Variants in ERC1 observed in about 807,000 individuals in gnomAD.
The protein encoded by ERC1 is RAB6 interacting protein 2.
A neutral mutation model predicts 132.0 loss-of-function variants in ERC1; 56 were observed. The observed-to-expected ratio is 0.42, with a 90% CI of 0.34 to 0.53. The LOEUF is 0.53. Among genes scored for constraint, ERC1 ranks in the 20% least tolerant of loss-of-function variants. The pLI is 0.03. For missense variants in ERC1, 1,202 were observed against 1,349.9 expected, an observed-to-expected ratio of 0.89 and a Z score of 1.72; for synonymous variants, 478 against 476.1, an observed-to-expected ratio of 1.00 and a Z score of -0.05.
intron 1 of ERC1, among the ~76,000 whole-genome samples, chr12:1,016,334 T>C (rs535135928): frequency 6.6e-6 from 1 of 152,358 alleles, no homozygotes; most frequent in East Asian, 1.9e-4. Context: ...TTAAAGAATT[T>C]TTTTGCTTTC....
At chr12:1,446,903 C>T (rs2093317785) in intron 18 of ERC1, among the ~76,000 whole-genome samples, 1 of 151,870 alleles carries the variant, frequency 6.6e-6, no homozygotes, top group Admixed American at 6.6e-5. Flanking sequence ...ACCTGTAGTC[C>T]CAGCTACTCA....
intron 15 of ERC1, among the ~76,000 whole-genome samples, chr12:1,352,175 C>G (rs1056479418): frequency 1.3e-5 from 2 of 152,130 alleles, no homozygotes; most frequent in Non-Finnish European, 2.9e-5. Flanking sequence ...ATCATATCAC[C>G]CTGTTCCTGT....
intron 8 of ERC1, among the ~76,000 whole-genome samples, chr12:1,144,644 A>ACG (rs1950178551): frequency 1.3e-5 from 2 of 149,530 alleles, no homozygotes. Context: ...ACGTGTATAT[A>ACG]TATACGTATA....
chr12:1,235,864 T>C (rs2075378263), intron 12 of ERC1, among the ~76,000 whole-genome samples: 1 of 152,312 alleles, frequency 6.6e-6, no homozygotes, highest in South Asian at 2.1e-4. Context: ...AGAGTGCACC[T>C]AGCAGCATTA....
At position 1,493,550 on chromosome 12, in the gene ERC1, TA is replaced by T. The variant is rs2094337817; in HGVS notation, c.*3321del. The T allele has an allele frequency of 1.5e-5, 1 of 65,642 alleles. No homozygotes were observed. Among genetic ancestry groups the T allele is most frequent in the African/African-American group, 5.6e-5 (1 of 17,748 alleles). The allele number at this position is 65,642 out of a possible 1,614,324, so 4.1% of individuals were successfully genotyped here. On this transcript the variant is annotated 3_prime_UTR_variant, in exon 19 of 19. Coordinates refer to ENST00000360905, the MANE Select transcript of ERC1 (RefSeq NM_178040.4). The stretch of plus-strand genomic sequence containing the variant: ...TCCATTTAAAAAAAAAAAAAAAAAA[TA>T]TATATATATATATATATATATATAT...
chr12:995,056 A>G (rs147641691), intron 1 of ERC1, among the ~76,000 whole-genome samples: 198 of 151,106 alleles, frequency 1.3e-3, no homozygotes, highest in African/African-American at 4.7e-3. Flanking sequence ...AGATCGTGCT[A>G]TTGCACTCCA....
At chr12:1,292,284 A>G (rs1269279029) in intron 15 of ERC1, among the ~76,000 whole-genome samples, 1 of 152,172 alleles carries the variant, frequency 6.6e-6, no homozygotes, top group Non-Finnish European at 1.5e-5. Flanking sequence ...CTTTGGTTTC[A>G]TTGAGAGTTT....
At chr12:1,467,798 T>G (rs2093774139) in intron 18 of ERC1, among the ~76,000 whole-genome samples, 2 of 152,218 alleles carry the variant, frequency 1.3e-5, no homozygotes, top group South Asian at 4.1e-4. Context: ...TGGGAGACAG[T>G]GATAGATTAT....
chr12:1,218,253 C>T (rs6489271), intron 12 of ERC1, among the ~76,000 whole-genome samples: 2,068 of 152,246 alleles, frequency 0.014, 51 homozygotes, highest in African/African-American at 0.047. Flanking sequence ...CCTGAATTCA[C>T]CTCTGCTGCC....
intron 8 of ERC1, 131 bp from the exon 9 acceptor site, chr12:1,180,409 A>C (rs914806998): frequency 1.3e-6 from 1 of 760,866 alleles, no homozygotes; most frequent in South Asian, 2.1e-5. Context: ...CTTAGGATTA[A>C]ATGATTTCTA....
intron 16 of ERC1, among the ~76,000 whole-genome samples, chr12:1,395,950 TGA>T (rs2090509523): frequency 6.6e-6 from 1 of 151,728 alleles, no homozygotes; most frequent in South Asian, 2.1e-4. Context: ...AAAAAATCAC[TGA>T]GTCCTAAAGT....
chr12:1,356,211 AAAGT>A (rs1566665867), intron 15 of ERC1, among the ~76,000 whole-genome samples: 1 of 105,914 alleles, frequency 9.4e-6, no homozygotes, highest in African/African-American at 5.7e-5. Flanking sequence ...AAAAAAAAAA[AAAGT>A]GTGTGTGTGT....
chr12:1,016,635 C>CTTT (rs397967271), intron 1 of ERC1, among the ~76,000 whole-genome samples: 3 of 128,076 alleles, frequency 2.3e-5, no homozygotes, highest in Non-Finnish European at 3.3e-5. Context: ...CTTTTCTTTT[C>CTTT]TTTTTTTTTT....
At chr12:1,316,462 A>G (rs113647352) in intron 15 of ERC1, among the ~76,000 whole-genome samples, 5,264 of 152,182 alleles carry the variant, frequency 0.035, 96 homozygotes, top group Middle Eastern at 0.075. Context: ...TTGATATTTT[A>G]ATTATATATT....
chr12:1,176,100 T>G (rs1468218696), intron 8 of ERC1, among the ~76,000 whole-genome samples: 1 of 152,220 alleles, frequency 6.6e-6, no homozygotes, highest in Non-Finnish European at 1.5e-5. Context: ...TCAATTTACT[T>G]TGCCCAGATC....
chr12:1,031,513 G>A (rs10849620), intron 2 of ERC1, among the ~76,000 whole-genome samples: 64,823 of 151,906 alleles, frequency 0.43, 17,009 homozygotes, highest in East Asian at 0.78. Flanking sequence ...GTAGTACAAC[G>A]CAAATTAAAA....
chr12:1,274,033 G>A (rs978754939), intron 14 of ERC1, among the ~76,000 whole-genome samples: 1 of 152,236 alleles, frequency 6.6e-6, no homozygotes, highest in Non-Finnish European at 1.5e-5. Flanking sequence ...ATAATTGCAT[G>A]TGAGTGTTTT....
intron 12 of ERC1, among the ~76,000 whole-genome samples, chr12:1,205,413 G>GTGTA (rs1302153447): frequency 2.1e-5 from 3 of 143,656 alleles, no homozygotes; most frequent in African/African-American, 5.2e-5. Flanking sequence ...GTGTGTGTGT[G>GTGTA]TATATATATA....
rs147411361 is a variant in ERC1, at chr12:1,244,793, A to G, written c.2487+7889A>G. On this transcript the variant is annotated intron_variant, in intron 13 of 18. Transcript: ENST00000360905. ...CTCGGCCTCTACAAGTGCTGGGATT[A>G]CAGGTGTGAACCAGCACACCTGGCC... 258 of 245,256 alleles carry G rather than the reference A, an allele frequency of 1.1e-3. 1 individual carries two copies. The highest frequency in any genetic ancestry group is 5.4e-3 in the African/African-American group (235 of 43,370). The allele number at this position is 245,256 out of a possible 1,614,324, so 15.2% of individuals were successfully genotyped here.
Sources: gnomAD v4.1 joint callset for allele counts (sites outside exome capture counted in the v4.1 genomes callset) on GRCh38, gnomAD v4.1.1 for gene constraint, MANE v1.5 for transcripts, NCBI Gene and HGNC (gene_info 2026-07-23, HGNC 2026-07-21) for gene names.